Variants in STPG2 observed in about 807,000 individuals in gnomAD.
STPG2 encodes sperm tail PG-rich repeat containing 2.
A neutral mutation model predicts 54.2 loss-of-function variants in STPG2; 56 were observed. That is an observed-to-expected ratio of 1.03 (90% confidence interval 0.83 to 1.29). STPG2 has a LOEUF of 1.29. STPG2 is among the 50% of genes most tolerant of loss of function. The pLI is 0.00. For synonymous variants in STPG2, 200 were observed against 181.8 expected (o/e 1.10, Z -0.81); for missense variants, 596 against 544.9 (o/e 1.09, Z -0.93).
At chr4:97,796,044 GTTGT>G (rs1034416991) in intron 9 of STPG2, among the ~76,000 whole-genome samples, 11 of 152,252 alleles carry the variant, frequency 7.2e-5, no homozygotes, top group African/African-American at 2.4e-4. Flanking sequence ...TTTAGATGGG[GTTGT>G]TTGTTTTTTT....
At chr4:98,041,502 G>A (rs1443611591) in intron 5 of STPG2, among the ~76,000 whole-genome samples, 2 of 151,816 alleles carry the variant, frequency 1.3e-5, no homozygotes, top group Non-Finnish European at 2.9e-5. Context: ...TGAGGTATGT[G>A]TTCCTTCTAT....
intron 5 of STPG2, among the ~76,000 whole-genome samples, chr4:98,059,379 T>C (rs1276455026): frequency 2.0e-5 from 3 of 151,748 alleles, no homozygotes; most frequent in African/African-American, 4.8e-5. Context: ...CTGAACAGAC[T>C]GAAAATGAGC....
In STPG2 at chr4:97,446,726, A is replaced by T. The variant is rs540232951; in HGVS notation, c.463-258893T>A. Among the ~76,000 whole-genome samples the T allele has an allele frequency of 3.3e-5, 5 of 152,268 alleles. No homozygotes were observed. The East Asian group carries it at 5.8e-4, about 18-fold the overall frequency. Reference sequence around the variant, plus strand: ...CTCTTCCCTCTGTCTTTTCTGCCACATTGTGAAGAAGGTACTGGCTTCTCC... The same window carrying T: ...CTCTTCCCTCTGTCTTTTCTGCCACTTTGTGAAGAAGGTACTGGCTTCTCC... On this transcript the variant is annotated intron_variant, in intron 4 of 4. Transcript: ENST00000522676.
chr4:97,974,407 T>C (rs2149258847), intron 6 of STPG2, among the ~76,000 whole-genome samples: 1 of 152,224 alleles, frequency 6.6e-6, no homozygotes, highest in South Asian at 2.1e-4. Flanking sequence ...AGTTAAGACT[T>C]TTGGGGACTG....
chr4:97,567,773 T>G (rs1732493409), intron 10 of STPG2, among the ~76,000 whole-genome samples: 1 of 152,030 alleles, frequency 6.6e-6, no homozygotes, highest in Non-Finnish European at 1.5e-5. Flanking sequence ...AAATAAAGAA[T>G]AAAAGATATA....
At chr4:97,547,098 G>C (rs1452152586) in intron 4 of STPG2, among the ~76,000 whole-genome samples, 1 of 151,316 alleles carries the variant, frequency 6.6e-6, no homozygotes, top group Non-Finnish European at 1.5e-5. Context: ...AATGAAAGAA[G>C]TTCAATACGT....
At chr4:97,966,489 G>A (rs548049462) in intron 7 of STPG2, among the ~76,000 whole-genome samples, 52 of 152,148 alleles carry the variant, frequency 3.4e-4, no homozygotes, top group Non-Finnish European at 2.2e-4. Flanking sequence ...ACTTAGCAAG[G>A]CAGGCCAACA....
chr4:97,955,862 C>T (rs149859219), intron 7 of STPG2, among the ~76,000 whole-genome samples: 2 of 152,114 alleles, frequency 1.3e-5, no homozygotes, highest in African/African-American at 2.4e-5. Context: ...AAATAATCAC[C>T]AGCCTAAAAA....
intron 5 of STPG2, among the ~76,000 whole-genome samples, chr4:98,079,818 T>C (rs11726604): frequency 0.4 from 60,107 of 151,902 alleles, 12,135 homozygotes; most frequent in Middle Eastern, 0.46. Flanking sequence ...TATCAATCTC[T>C]CTAAAATGTT....
intron 4 of STPG2, among the ~76,000 whole-genome samples, chr4:97,537,436 C>A (rs1160633607): frequency 6.6e-6 from 1 of 152,196 alleles, no homozygotes; most frequent in African/African-American, 2.4e-5. Flanking sequence ...CCCTCAGAGC[C>A]TCCCTTGTTG....
intron 5 of STPG2, among the ~76,000 whole-genome samples, chr4:98,082,553 G>T (rs979244023): frequency 7.6e-6 from 1 of 131,398 alleles, no homozygotes; most frequent in African/African-American, 2.8e-5. Flanking sequence ...CCGGGTTCAC[G>T]CCATTCTCCT....
chr4:97,795,733 T>A (rs1385069518), intron 9 of STPG2, among the ~76,000 whole-genome samples: 4 of 152,192 alleles, frequency 2.6e-5, no homozygotes, highest in African/African-American at 9.7e-5. Context: ...GATGGCTGGG[T>A]CAAATGGTAT....
At chr4:98,009,063 T>TC (rs1560633254) in intron 5 of STPG2, among the ~76,000 whole-genome samples, 1 of 151,972 alleles carries the variant, frequency 6.6e-6, no homozygotes, top group Non-Finnish European at 1.5e-5. Context: ...ATTTTGTTTA[T>TC]CTTTTTTTAA....
intron 10 of STPG2, among the ~76,000 whole-genome samples, chr4:97,634,238 A>T (rs57593663): frequency 0.12 from 17,835 of 152,032 alleles, 3,167 homozygotes; most frequent in African/African-American, 0.39. Context: ...GCACACTGAC[A>T]CCTCACACTT....
chr4:97,486,829 G>GTGTGTGTATATA (rs1490371230), intron 4 of STPG2, among the ~76,000 whole-genome samples: 1 of 90,204 alleles, frequency 1.1e-5, no homozygotes, highest in African/African-American at 3.4e-5. Context: ...GTGTGTGTGT[G>GTGTGTGTATATA]TATATATATA....
intron 8 of STPG2, among the ~76,000 whole-genome samples, chr4:97,870,439 T>C (rs1374747475): frequency 5.3e-5 from 8 of 151,204 alleles, no homozygotes; most frequent in Admixed American, 2.0e-4. Flanking sequence ...AACAAAGGGA[T>C]TTCAAAAGTC....
rs556509852 is a variant in STPG2 at position 97,763,365 on chromosome 4, A to G, written c.1205-50551T>C. Among the ~76,000 whole-genome samples, 17 of 152,328 alleles carry G rather than the reference A, an allele frequency of 1.1e-4. No individual in the cohort carries two copies. The South Asian group carries it at 3.5e-3, about 32-fold the overall frequency. Reference sequence around the variant, plus strand: ...GAGACTAATGATGTTACACACAAAAATAAGCTAGAAGTCTACAAAACAAGA... The same window carrying G: ...GAGACTAATGATGTTACACACAAAAGTAAGCTAGAAGTCTACAAAACAAGA... On this transcript the variant is annotated intron_variant, in intron 9 of 10. Transcript: ENST00000295268.
At chr4:97,982,179 A>G (rs1734703848) in intron 5 of STPG2, among the ~76,000 whole-genome samples, 1 of 152,056 alleles carries the variant, frequency 6.6e-6, no homozygotes, top group African/African-American at 2.4e-5. Context: ...CTAGCATTGT[A>G]TAATCTTTTT....
At chr4:98,102,863 T>C (rs1363358996) in intron 5 of STPG2, among the ~76,000 whole-genome samples, 1 of 148,658 alleles carries the variant, frequency 6.7e-6, no homozygotes, top group Non-Finnish European at 1.5e-5. Flanking sequence ...TGTATATTAA[T>C]ATGGAATATA....
Sources: allele counts gnomAD v4.1 joint callset (sites outside exome capture counted in the v4.1 genomes callset), GRCh38; gene constraint gnomAD v4.1.1; transcripts MANE v1.5; gene names NCBI Gene and HGNC (gene_info 2026-07-23, HGNC 2026-07-21).